BEST3: variants seen among roughly 807,000 people sequenced by gnomAD.
The protein encoded by BEST3 is bestrophin 3.
Under a neutral mutation model 47.1 loss-of-function variants are expected in BEST3, and 50 were observed. That is an observed-to-expected ratio of 1.06 (90% CI 0.85 to 1.34). The LOEUF (loss-of-function observed/expected upper bound fraction) is 1.34. Ranked by LOEUF, BEST3 falls within the 40% of genes most tolerant of loss-of-function variation. The pLI, the probability that BEST3 is intolerant of heterozygous loss-of-function variation, is 0.00. For missense variants in BEST3, 765 were observed against 817.0 expected (o/e 0.94, Z 0.78); for synonymous variants, 282 against 298.8 (o/e 0.94, Z 0.58).
At chr12:69,675,409 C>A (rs1452700285) in intron 7 of BEST3, among the ~76,000 whole-genome samples, 1 of 152,146 alleles carries the variant, frequency 6.6e-6, no homozygotes, top group African/African-American at 2.4e-5. Flanking sequence ...AGCCACCGCA[C>A]CTGATTTTAA....
chr12:69,693,797 G>C lies in BEST3; in HGVS notation c.358C>G (p.His120Asp). The change falls in exon 4 of 10, where the codon CAC becomes GAC. Residue 120 changes from histidine (H) to aspartate (D), a missense_variant. Transcript: ENST00000330891. ...AGCGTCCTTCTAAGCAGGCGCCCGT[G>C]CTCGTCGCTTCCGTGAACACTGCTA... Reference protein sequence around the residue: ...ISSSVHGSDEHGRLLRRTLMR... With the variant: ...ISSSVHGSDEDGRLLRRTLMR... 6.2e-7 allele frequency: 1 copy of C among 1,614,178 alleles called. No homozygotes were observed. Among genetic ancestry groups the C allele is most frequent in the Non-Finnish European group, 8.5e-7 (1 of 1,180,030 alleles).
chr12:69,645,550 A>G (rs550268414), intron 9 of BEST3, among the ~76,000 whole-genome samples: 1 of 152,230 alleles, frequency 6.6e-6, no homozygotes, highest in Non-Finnish European at 1.5e-5. Flanking sequence ...TGCTGCAAAC[A>G]TAACTTTCTA....
In BEST3 at chr12:69,678,770, C is replaced by G; in HGVS notation, c.605G>C (p.Arg202Thr). Residue 202 changes from arginine to threonine, a missense_variant, in exon 5 of 10, where the codon AGA becomes ACA. Coordinates refer to ENST00000330891, the MANE Select transcript of BEST3 (RefSeq NM_032735.3). The part of the protein sequence containing the change: ...ATKARNEGRI[R>T]DSVDLQSLMT... ...CAATGATTGCAGATCAACACTGTCT[C>G]TGATTCTACCTTCATTCCGGGCTTT... is the stretch of plus-strand genomic sequence containing the variant. 6.2e-7 allele frequency: 1 copy of G among 1,614,122 alleles called. No homozygotes were observed. The highest frequency in any genetic ancestry group is 1.1e-5 in the South Asian group (1 of 91,076).
intron 4 of BEST3, among the ~76,000 whole-genome samples, chr12:69,691,080 C>A (rs1224071555): frequency 6.6e-6 from 1 of 152,024 alleles, no homozygotes; most frequent in Non-Finnish European, 1.5e-5. Context: ...ACCTCTTGAT[C>A]AAAGTAGATA....
At chr12:69,646,413 A>AT (rs1437470091) in intron 9 of BEST3, among the ~76,000 whole-genome samples, 1 of 150,468 alleles carries the variant, frequency 6.6e-6, no homozygotes, top group African/African-American at 2.4e-5. Context: ...TTATTTATTT[A>AT]TTTTTTTCTT....
At chr12:69,673,361 A>C (rs1450568523) in intron 7 of BEST3, among the ~76,000 whole-genome samples, 1 of 152,238 alleles carries the variant, frequency 6.6e-6, no homozygotes, top group East Asian at 1.9e-4. Context: ...CAAAATGTAC[A>C]CAGGGAGAAG....
chr12:69,669,388 G>T (rs745773859), intron 9 of BEST3, among the ~76,000 whole-genome samples: 4 of 152,126 alleles, frequency 2.6e-5, no homozygotes, highest in South Asian at 4.2e-4. Flanking sequence ...TCTCCCAATA[G>T]GTTCTGGCCT....
intron 9 of BEST3, among the ~76,000 whole-genome samples, chr12:69,665,584 C>A (rs1054805448): frequency 6.6e-6 from 1 of 151,692 alleles, no homozygotes; most frequent in Admixed American, 6.6e-5. Flanking sequence ...CAGAGAGAGA[C>A]CTTGTCTACA....
chr12:69,679,354 A>T (rs970998300), intron 4 of BEST3, among the ~76,000 whole-genome samples: 2 of 152,196 alleles, frequency 1.3e-5, no homozygotes, highest in African/African-American at 4.8e-5. Flanking sequence ...TCCAAGTCCT[A>T]CTTAATCATG....
chr12:69,656,863 G>A (rs893350624), intron 9 of BEST3, among the ~76,000 whole-genome samples: 3 of 152,072 alleles, frequency 2.0e-5, no homozygotes, highest in African/African-American at 7.2e-5. Context: ...CACAGTCCTT[G>A]CTCAGAGGTA....
At chr12:69,659,820 G>A (rs1158029676) in intron 9 of BEST3, among the ~76,000 whole-genome samples, 3 of 151,994 alleles carry the variant, frequency 2.0e-5, no homozygotes, top group Non-Finnish European at 1.5e-5. Flanking sequence ...ACTAATAGCA[G>A]AAATATTATA....
chr12:69,654,848 T>A lies in BEST3; in HGVS notation c.*59A>T, dbSNP rs1316934585. On this transcript the variant is annotated 3_prime_UTR_variant, in exon 10 of 10. Transcript: ENST00000330891. ...CTTCAGGTATGTCCTGGGCCTAATATGCTGCTTTTGGGGAGGTAAGAATCT... is the reference window on the plus strand; with the variant it reads ...CTTCAGGTATGTCCTGGGCCTAATAAGCTGCTTTTGGGGAGGTAAGAATCT... 2 of 1,551,436 alleles carry A rather than the reference T, an allele frequency of 1.3e-6. No individual in the cohort carries two copies. The highest frequency in any genetic ancestry group is 2.8e-5 in the African/African-American group (2 of 72,658).
chr12:69,677,335 G>T (rs1273147661), intron 5 of BEST3, 78 bp from the exon 6 acceptor site: 14 of 1,276,180 alleles, frequency 1.1e-5, no homozygotes, highest in Non-Finnish European at 1.5e-5. Flanking sequence ...CTCAGAATGT[G>T]AGCATGTCTT....
chr12:69,655,364 C>G lies in BEST3; in HGVS notation c.1550G>C (p.Gly517Ala). 2 of 1,614,068 alleles carry G rather than the reference C, an allele frequency of 1.2e-6. No homozygotes were observed. The highest frequency in any genetic ancestry group is 2.2e-5 in the East Asian group (1 of 44,868). Reference sequence around the variant, plus strand: ...GGAGGTAGCGGAATCATGGTGGTAGCCCCCTGATGTGGGCACTGGTGCTTC... The same window carrying G: ...GGAGGTAGCGGAATCATGGTGGTAGGCCCCTGATGTGGGCACTGGTGCTTC... The part of the protein sequence containing the change: ...AAEAPVPTSG[G>A]YHHDSATSIL... Residue 517 changes from glycine (G) to alanine (A), a missense_variant, in exon 10 of 10, where the codon GGC becomes GCC. Coordinates refer to ENST00000330891, the MANE Select transcript of BEST3 (RefSeq NM_032735.3).
intron 7 of BEST3, among the ~76,000 whole-genome samples, chr12:69,673,703 C>T (rs1481373091): frequency 6.6e-6 from 1 of 152,116 alleles, no homozygotes; most frequent in Non-Finnish European, 1.5e-5. Context: ...CTCGACCTCC[C>T]AAAGTGTTGG....
Position 69,654,009 on chromosome 12 carries a change from A to G in BEST3, c.*898T>C. The G allele has an allele frequency of 1.0e-6, 1 of 985,482 alleles. No homozygotes were observed. The highest frequency in any genetic ancestry group is 1.2e-6 in the Non-Finnish European group (1 of 829,944). The allele number at this position is 985,482 out of a possible 1,614,324, so 61.0% of individuals were successfully genotyped here. On this transcript the variant is annotated 3_prime_UTR_variant, in exon 10 of 10. Coordinates refer to ENST00000330891, the MANE Select transcript of BEST3 (RefSeq NM_032735.3). ...GTGCCCAACACCAAATAGTGGAAGC[A>G]GAAAGAAATGTCAATGGCTGCAAGG...
At chr12:69,691,651 G>A (rs537382551) in intron 4 of BEST3, among the ~76,000 whole-genome samples, 1 of 152,104 alleles carries the variant, frequency 6.6e-6, no homozygotes, top group Non-Finnish European at 1.5e-5. Context: ...AATTAGCCAG[G>A]CGTGGTGGTG....
chr12:69,647,535 T>C (rs1034100463), intron 9 of BEST3, among the ~76,000 whole-genome samples: 2 of 152,190 alleles, frequency 1.3e-5, no homozygotes, highest in African/African-American at 4.8e-5. Context: ...CATACCAGTG[T>C]ATCTAATTTG....
intron 4 of BEST3, among the ~76,000 whole-genome samples, chr12:69,686,601 G>A (rs112343220): frequency 0.015 from 2,314 of 151,918 alleles, 53 homozygotes; most frequent in African/African-American, 0.052. Flanking sequence ...GTGAAACCCT[G>A]TCTCTACTAA....
Sources: allele counts gnomAD v4.1 joint callset (sites outside exome capture counted in the v4.1 genomes callset), GRCh38; gene constraint gnomAD v4.1.1; transcripts MANE v1.5; gene names NCBI Gene and HGNC (gene_info 2026-07-23, HGNC 2026-07-21).